FMO1: variants seen among roughly 807,000 people sequenced by gnomAD.
FMO1 encodes the protein flavin-containing monooxygenase 1.
In FMO1, 36 loss-of-function variants were observed where a neutral mutation model predicts 45.4. The observed-to-expected ratio is 0.79, with a 90% CI of 0.61 to 1.05. The LOEUF (loss-of-function observed/expected upper bound fraction) is 1.05, where lower values mean the gene tolerates loss of function less well. Ranked by LOEUF, FMO1 falls within the 50% of genes least tolerant of loss-of-function variation. The pLI is 0.00. For synonymous variants in FMO1, 228 were observed against 227.2 expected, an observed-to-expected ratio of 1.00 and a Z score of -0.03; for missense variants, 615 against 640.3, an observed-to-expected ratio of 0.96 and a Z score of 0.43.
At position 171,273,672 on chromosome 1, in the gene FMO1, C is replaced by G. The variant is rs1294493946; in HGVS notation, c.322-1674C>G. Among the ~76,000 whole-genome samples, 7 of 152,206 alleles carry G rather than the reference C, an allele frequency of 4.6e-5. 1 individual carries two copies. The South Asian group carries it at 1.2e-3, about 27-fold the overall frequency. On this transcript the variant is annotated intron_variant, in intron 3 of 8. Coordinates refer to ENST00000617670, the MANE Select transcript of FMO1 (RefSeq NM_001282693.2). Reference sequence around the variant, plus strand: ...GGGACTATAGGCACATACTACCATGCCTGGCTATATTTTTTTTAATTTTTA... The same window carrying G: ...GGGACTATAGGCACATACTACCATGGCTGGCTATATTTTTTTTAATTTTTA...
intron 1 of FMO1, among the ~76,000 whole-genome samples, chr1:171,256,690 A>G (rs1660175183): frequency 6.6e-6 from 1 of 152,160 alleles, no homozygotes. Context: ...TAGTCTCTAC[A>G]GTTAAGACTA....
chr1:171,283,310 GA>G (rs28360426), intron 8 of FMO1, 94 bp downstream of exon 8: 17 of 337,308 alleles, frequency 5.0e-5, no homozygotes, highest in Admixed American at 1.3e-4. Flanking sequence ...AAATGAAAAA[GA>G]AAAAAAAACA....
At chr1:171,257,211 G>T (rs1660196164) in intron 1 of FMO1, among the ~76,000 whole-genome samples, 1 of 151,950 alleles carries the variant, frequency 6.6e-6, no homozygotes, top group Non-Finnish European at 1.5e-5. Flanking sequence ...AACTGATAGA[G>T]CCGCGCTTTA....
intron 1 of FMO1, among the ~76,000 whole-genome samples, chr1:171,257,496 G>A (rs778553005): frequency 2.6e-5 from 4 of 152,132 alleles, no homozygotes; most frequent in Non-Finnish European, 5.9e-5. Context: ...ACCTGTGAAA[G>A]GGACACACCA....
In FMO1 at chr1:171,283,169, T is replaced by G; in HGVS notation, c.1209T>G (p.Ser403Arg). Residue 403 changes from serine to arginine, a missense_variant, in exon 8 of 9, where the codon AGT becomes AGG. Coordinates refer to ENST00000617670, the MANE Select transcript of FMO1 (RefSeq NM_001282693.2). ...GTGTAAATAAGTTACCACCACCAAG[T>G]GTCATGATAGAGGAAATTAATGCAA... is the stretch of plus-strand genomic sequence containing the variant. ...LKGVNKLPPP[S>R]VMIEEINARK... is the part of the protein sequence containing the mutation. 6.3e-7 allele frequency: 1 copy of G among 1,577,410 alleles called. No individual in the cohort carries two copies. The highest frequency in any genetic ancestry group is 8.6e-7 in the Non-Finnish European group (1 of 1,158,430).
chr1:171,260,865 A>T (rs1660349086), intron 2 of FMO1, among the ~76,000 whole-genome samples: 1 of 132,008 alleles, frequency 7.6e-6, no homozygotes, highest in South Asian at 2.6e-4. Context: ...GGGGGACAAG[A>T]TTGTACCACT....
At chr1:171,267,765 G>A in intron 3 of FMO1, 34 bp downstream of exon 3, 1 of 1,519,310 alleles carries the variant, frequency 6.6e-7, no homozygotes, top group South Asian at 1.2e-5. Context: ...TAGTCAGAAA[G>A]TATTTCCTAC....
At chr1:171,250,492 G>C (rs933857057) in intron 1 of FMO1, among the ~76,000 whole-genome samples, 3 of 152,164 alleles carry the variant, frequency 2.0e-5, no homozygotes, top group African/African-American at 7.2e-5. Flanking sequence ...CTCATGTTTT[G>C]ACCTCTCATG....
chr1:171,259,155 A>G (rs949734520), intron 2 of FMO1, among the ~76,000 whole-genome samples: 1 of 152,248 alleles, frequency 6.6e-6, no homozygotes, highest in Non-Finnish European at 1.5e-5. Context: ...AGGGGCTGAG[A>G]GAAAGACACA....
chr1:171,258,476 T>A (rs893501438), intron 2 of FMO1, among the ~76,000 whole-genome samples: 51 of 151,962 alleles, frequency 3.4e-4, no homozygotes, highest in African/African-American at 1.2e-3. Flanking sequence ...CCAAGAAGTA[T>A]GGAAGAGAAT....
At chr1:171,277,709 T>G (rs927120480) in intron 4 of FMO1, among the ~76,000 whole-genome samples, 2 of 152,192 alleles carry the variant, frequency 1.3e-5, no homozygotes, top group Non-Finnish European at 2.9e-5. Context: ...CCATATTGGG[T>G]TCCTGTGCTG....
chr1:171,276,551 C>T (rs901894017), intron 4 of FMO1, among the ~76,000 whole-genome samples: 2 of 152,284 alleles, frequency 1.3e-5, no homozygotes, highest in Middle Eastern at 3.4e-3. Context: ...AAAGGAGTAC[C>T]TAGTCACTGC....
intron 1 of FMO1, chr1:171,251,618 C>T (rs948110099): frequency 4.0e-5 from 6 of 150,204 alleles, no homozygotes; most frequent in African/African-American, 1.5e-4. Flanking sequence ...GGGGGCAGGG[C>T]TCCTCTCGAG....
In FMO1 at chr1:171,276,195, A is replaced by C. The variant is rs1661100541; in HGVS notation, c.484+687A>C. 3.3e-5 allele frequency among the ~76,000 whole-genome samples: 5 copies of C among 152,214 alleles called. No individual in the cohort carries two copies. In the South Asian group the frequency reaches 1.0e-3, roughly 32 times the overall value. ...ACTTTCAGAAACTTTTCTCCAAATC[A>C]TCTAATGATTGCCTAGAATGATCCC... On this transcript the variant is annotated intron_variant, in intron 4 of 8. Transcript: ENST00000617670.
chr1:171,251,027 GA>G (rs1659865289), intron 1 of FMO1, among the ~76,000 whole-genome samples: 1 of 152,178 alleles, frequency 6.6e-6, no homozygotes, highest in African/African-American at 2.4e-5. Context: ...AAGGCAACCT[GA>G]TCTTTACCTT....
intron 1 of FMO1, among the ~76,000 whole-genome samples, chr1:171,250,235 C>A (rs891334707): frequency 2.0e-5 from 3 of 152,014 alleles, no homozygotes; most frequent in Non-Finnish European, 4.4e-5. Context: ...AGACATGAAC[C>A]CTTCATTTCT....
chr1:171,271,281 G>GA, intron 3 of FMO1: 1 of 1,238,076 alleles, frequency 8.1e-7, no homozygotes, highest in Non-Finnish European at 1.1e-6. Context: ...AGCAGAACAG[G>GA]AAAAAGGCTG....
intron 5 of FMO1, 131 bp from the exon 6 acceptor site, chr1:171,280,655 T>C (rs950551616): frequency 1.5e-6 from 1 of 688,666 alleles, no homozygotes; most frequent in Non-Finnish European, 2.6e-6. Flanking sequence ...AAGACTATCT[T>C]GTCAGGGGTG....
Position 171,280,387 on chromosome 1 carries a change from G to A in FMO1, c.628-399G>A, listed in dbSNP as rs186109952. ...AGTACTGAATTTTGCTGTCATTTAA[G>A]CCAATGGTTTGCACTGAAACTCTGT... On this transcript the variant is annotated intron_variant, in intron 5 of 8. Transcript: ENST00000617670. Among the ~76,000 whole-genome samples the A allele has an allele frequency of 1.1e-4, 17 of 152,242 alleles. 1 individual carries two copies. The highest frequency in any genetic ancestry group is 1.1e-3 in the Admixed American group (17 of 15,284).
Sources: gnomAD v4.1 joint callset for allele counts (sites outside exome capture counted in the v4.1 genomes callset) on GRCh38, gnomAD v4.1.1 for gene constraint, MANE v1.5 for transcripts, NCBI Gene and HGNC (gene_info 2026-07-23, HGNC 2026-07-21) for gene names.